LRRIQ1: variants seen among roughly 807,000 people sequenced by gnomAD.
LRRIQ1 encodes leucine-rich repeat- and IQ domain-containing protein 1.
In LRRIQ1, 210 loss-of-function variants were observed where a neutral mutation model predicts 211.9. The ratio of observed to expected loss-of-function variants is 0.99; its 90% confidence interval spans 0.89 to 1.11. LRRIQ1 has a LOEUF of 1.11. Ranked by LOEUF, LRRIQ1 falls within the 50% of genes most tolerant of loss-of-function variation. The pLI is 0.00. For missense variants in LRRIQ1, 2,136 were observed against 1,939.5 expected, an observed-to-expected ratio of 1.10 and a Z score of -1.90; for synonymous variants, 699 against 650.1, an observed-to-expected ratio of 1.08 and a Z score of -1.14.
rs549621904 is a variant in LRRIQ1, at chr12:85,127,879, G to A, written c.4055G>A (p.Arg1352His). The change falls in exon 18 of 27, where the codon CGC becomes CAC. Residue 1352 changes from arginine (R) to histidine (H), a missense_variant. Arg to His is a conservative substitution (Grantham distance 29). Transcript: ENST00000393217. ...TCATACTGGCGTGGTTACCTCATGC[G>A]CAGACAGACTCATTTCTCCACAAGG... ...IQSYWRGYLM[R>H]RQTHFSTRLH... 1.8e-5 allele frequency: 29 copies of A among 1,613,818 alleles called. No homozygotes were observed. The highest frequency in any genetic ancestry group is 4.5e-5 in the East Asian group (2 of 44,840).
chr12:85,239,867 A>G (rs1895384819), intron 26 of LRRIQ1, among the ~76,000 whole-genome samples: 1 of 152,072 alleles, frequency 6.6e-6, no homozygotes, highest in Non-Finnish European at 1.5e-5. Context: ...AATCCCAGCT[A>G]CTCAGGAGGC....
At chr12:85,130,582 T>C (rs1411324048) in intron 18 of LRRIQ1, among the ~76,000 whole-genome samples, 1 of 152,200 alleles carries the variant, frequency 6.6e-6, no homozygotes, top group East Asian at 1.9e-4. Flanking sequence ...TCTTTCTTTG[T>C]AACTTAATGT....
intron 24 of LRRIQ1, among the ~76,000 whole-genome samples, chr12:85,184,235 T>C (rs1892125162): frequency 6.6e-6 from 1 of 152,032 alleles, no homozygotes; most frequent in African/African-American, 2.4e-5. Flanking sequence ...CTTGTATTTA[T>C]CCATCATATT....
At chr12:85,130,018 G>A (rs1238358324) in intron 18 of LRRIQ1, among the ~76,000 whole-genome samples, 1 of 152,120 alleles carries the variant, frequency 6.6e-6, no homozygotes, top group Non-Finnish European at 1.5e-5. Context: ...GAATCAGGAA[G>A]GTCTCCAAGT....
rs185402418 is a variant in LRRIQ1, at chr12:85,068,746, G to T, written c.2695+1848G>T. On this transcript the variant is annotated intron_variant, in intron 10 of 26. Transcript: ENST00000393217. ...AATGAGTATATATTACATTTATCTA[G>T]GTCTTTGAAGTCCCTTTAAATCTGC... Among the ~76,000 whole-genome samples, 569 of 148,966 alleles carry T rather than the reference G, an allele frequency of 3.8e-3. 4 individuals are homozygous for T. Among genetic ancestry groups the T allele is most frequent in the African/African-American group, 0.013 (530 of 40,896 alleles).
chr12:85,160,481 A>G, intron 23 of LRRIQ1, 132 bp from the exon 24 acceptor site: 1 of 504,522 alleles, frequency 2.0e-6, no homozygotes, highest in Non-Finnish European at 3.5e-6. Context: ...TTAATATAAC[A>G]TCATCATCAA....
intron 1 of LRRIQ1, among the ~76,000 whole-genome samples, chr12:85,251,805 A>G (rs1895953195): frequency 6.6e-6 from 1 of 150,810 alleles, no homozygotes; most frequent in Admixed American, 6.6e-5. Flanking sequence ...TATAGAGGAG[A>G]TCAAGATTCC....
At chr12:85,092,683 C>T (rs1592780496) in intron 11 of LRRIQ1, among the ~76,000 whole-genome samples, 1 of 152,296 alleles carries the variant, frequency 6.6e-6, no homozygotes, top group South Asian at 2.1e-4. Context: ...ACCTTCAAAA[C>T]TTCTTTGTCA....
intron 18 of LRRIQ1, among the ~76,000 whole-genome samples, chr12:85,130,935 C>T (rs192944718): frequency 4.0e-5 from 6 of 151,892 alleles, no homozygotes; most frequent in Admixed American, 6.6e-5. Flanking sequence ...ATAGGCCGGG[C>T]GCAGTGGCTC....
At position 85,217,538 on chromosome 12, in the gene LRRIQ1, GTGTGTGTGTGTGTA is replaced by G. The variant is rs1300715235; in HGVS notation, c.4823-11977_4823-11964del. 8.8e-4 allele frequency among the ~76,000 whole-genome samples: 100 copies of G among 113,456 alleles called. 1 individual carries two copies. The highest frequency in any genetic ancestry group is 4.5e-3 in the African/African-American group (92 of 20,344). 74.4% of individuals were successfully genotyped at this position (113,456 alleles called of 152,430 possible). A position where few individuals can be genotyped will look rare whatever the true frequency, so the allele number is the denominator to read the frequency against. ...TGTGTGTGTGTGTGTGTGTGTGTGT[GTGTGTGTGTGTGTA>G]TATAGGTATATATATGTGTGTATAC... On this transcript the variant is annotated intron_variant, in intron 24 of 26. Coordinates refer to ENST00000393217, the MANE Select transcript of LRRIQ1 (RefSeq NM_001079910.2).
chr12:85,163,770 A>G (rs901572926), intron 24 of LRRIQ1, among the ~76,000 whole-genome samples: 1 of 152,156 alleles, frequency 6.6e-6, no homozygotes, highest in Non-Finnish European at 1.5e-5. Flanking sequence ...AATTATATTA[A>G]AAATATAAGG....
intron 7 of LRRIQ1, among the ~76,000 whole-genome samples, chr12:85,052,775 C>G (rs1381897659): frequency 2.6e-5 from 4 of 151,904 alleles, no homozygotes; most frequent in Admixed American, 6.6e-5. Flanking sequence ...TAAACCCGCT[C>G]CTGCAAAAGT....
chr12:85,210,744 C>T (rs1893800322), intron 24 of LRRIQ1, among the ~76,000 whole-genome samples: 1 of 151,654 alleles, frequency 6.6e-6, no homozygotes, highest in Non-Finnish European at 1.5e-5. Context: ...GAGGCATGTA[C>T]TGCCCTTTAG....
At chr12:85,093,516 C>T (rs894091470) in intron 11 of LRRIQ1, among the ~76,000 whole-genome samples, 3 of 152,152 alleles carry the variant, frequency 2.0e-5, no homozygotes, top group African/African-American at 7.2e-5. Context: ...AGTGAGATGG[C>T]TTTCTAAAGG....
intron 24 of LRRIQ1, among the ~76,000 whole-genome samples, chr12:85,173,963 C>G (rs1387239676): frequency 6.6e-6 from 1 of 152,002 alleles, no homozygotes; most frequent in East Asian, 1.9e-4. Context: ...CAATATAGGA[C>G]TCATGTAAGT....
chr12:85,066,071 C>T (rs903426437), intron 9 of LRRIQ1, among the ~76,000 whole-genome samples: 6 of 151,830 alleles, frequency 4.0e-5, no homozygotes, highest in Admixed American at 3.3e-4. Flanking sequence ...GGAAGGGGAC[C>T]ATATGGATAT....
chr12:85,067,903 C>T (rs553782003), intron 10 of LRRIQ1, among the ~76,000 whole-genome samples: 22 of 151,956 alleles, frequency 1.4e-4, no homozygotes, highest in Non-Finnish European at 2.7e-4. Flanking sequence ...TGTCAAGTTT[C>T]GGGAAAGAAA....
intron 9 of LRRIQ1, 30 bp from the exon 10 acceptor site, chr12:85,066,718 A>C (rs1347876809): frequency 1.3e-6 from 2 of 1,554,720 alleles, no homozygotes; most frequent in Non-Finnish European, 1.7e-6. Flanking sequence ...CCATTGAAAT[A>C]AAACTAATTA....
At chr12:85,139,107 T>TAC (rs1889344271) in intron 19 of LRRIQ1, among the ~76,000 whole-genome samples, 1 of 151,378 alleles carries the variant, frequency 6.6e-6, no homozygotes, top group African/African-American at 2.4e-5. Flanking sequence ...AGGGGTGGAT[T>TAC]GTTGCTTCAT....
Sources: gnomAD v4.1 joint callset for allele counts (sites outside exome capture counted in the v4.1 genomes callset) on GRCh38, gnomAD v4.1.1 for gene constraint, MANE v1.5 for transcripts, NCBI Gene and HGNC (gene_info 2026-07-23, HGNC 2026-07-21) for gene names.